ZNF462: variants seen among roughly 807,000 people sequenced by gnomAD.
ZNF462 encodes the protein zinc finger PBX1-interacting protein.
A neutral mutation model predicts 201.9 loss-of-function variants in ZNF462; 10 were observed. The ratio of observed to expected loss-of-function variants is 0.05; its 90% CI spans 0.03 to 0.08. ZNF462 has a LOEUF of 0.08. Ranked by LOEUF, ZNF462 falls within the 10% of genes least tolerant of loss-of-function variation. ZNF462 has a pLI of 1.00. For missense variants in ZNF462, 2,523 were observed against 3,168.3 expected, an observed-to-expected ratio of 0.80 and a Z score of 4.89; for synonymous variants, 1,227 against 1,193.3, an observed-to-expected ratio of 1.03 and a Z score of -0.58.
chr9:106,927,204 T>TGGCCCC lies in ZNF462; in HGVS notation c.3292_3293insGGCCCC (p.Ser1098delinsTrpProPro). On this transcript the variant is annotated protein_altering_variant, in exon 3 of 13. Coordinates refer to ENST00000277225, the MANE Select transcript of ZNF462 (RefSeq NM_021224.6). ...GTCTCCCAAAATGTCCAACATGGGT[T>TGGCCCC]CCCCACCCCCCCCACAACCCCCGCC... The TGGCCCC allele has an allele frequency of 7.0e-6, 11 of 1,570,162 alleles. No homozygotes were observed. The highest frequency in any genetic ancestry group is 8.7e-6 in the Non-Finnish European group (10 of 1,149,552).
chr9:107,010,971 A>G lies in ZNF462; in HGVS notation c.7462A>G (p.Ile2488Val). The change falls in exon 13 of 13, where the codon ATC becomes GTC. Residue 2488 changes from isoleucine to valine, a missense_variant. Transcript: ENST00000277225. The surrounding 1 kb of genome is among the most constrained non-coding windows in gnomAD (Gnocchi z 4.6). ...TTCCCTAAAGAATGAAACAGTAGCC[A>G]TCTGTGTAGTAACTGCCGACAAATC... ...DFSLKNETVA[I>V]CVVTADKSLL... The G allele has an allele frequency of 1.2e-6, 2 of 1,613,838 alleles. No individual in the cohort carries two copies. The highest frequency in any genetic ancestry group is 1.1e-5 in the South Asian group (1 of 91,076).
intron 7 of ZNF462, among the ~76,000 whole-genome samples, chr9:106,942,362 T>C (rs1236155893): frequency 6.6e-6 from 1 of 152,202 alleles, no homozygotes; most frequent in Non-Finnish European, 1.5e-5. Flanking sequence ...TCACTCCAGC[T>C]GCCTGGCCAC....
In ZNF462 at chr9:106,996,758, T is replaced by C. The variant is rs141708023; in HGVS notation, c.7057-6536T>C. On this transcript the variant is annotated intron_variant, in intron 10 of 12. Coordinates refer to ENST00000277225, the MANE Select transcript of ZNF462 (RefSeq NM_021224.6). Reference sequence around the variant, plus strand: ...AGATTGTAAAAATTTTCTCCTGTTCTATAGGTTGATCTTATGGCAATATTA... The same window carrying C: ...AGATTGTAAAAATTTTCTCCTGTTCCATAGGTTGATCTTATGGCAATATTA... 3.0e-3 allele frequency among the ~76,000 whole-genome samples: 453 copies of C among 152,306 alleles called. 4 individuals carry two copies. Among genetic ancestry groups the C allele is most frequent in the African/African-American group, 0.011 (442 of 41,578 alleles).
chr9:106,946,691 C>T (rs555679095), intron 7 of ZNF462, among the ~76,000 whole-genome samples: 6 of 151,808 alleles, frequency 4.0e-5, no homozygotes, highest in Non-Finnish European at 5.9e-5. Flanking sequence ...TGAAGAGCCC[C>T]GGTGTTGTGG....
intron 1 of ZNF462, among the ~76,000 whole-genome samples, chr9:106,909,601 A>C (rs915478012): frequency 1.3e-5 from 2 of 152,190 alleles, no homozygotes; most frequent in Admixed American, 6.5e-5. Context: ...TATATTTAAA[A>C]AACTGGTTGT....
At position 107,010,972 on chromosome 9, in the gene ZNF462, T is replaced by G; in HGVS notation, c.7463T>G (p.Ile2488Ser). Residue 2488 changes from isoleucine (I) to serine (S), a missense_variant, in exon 13 of 13, where the codon ATC (isoleucine) becomes AGC (serine). This residue lies in a region of ZNF462 where 67 missense variants were observed against 63.2 expected (regional missense o/e 1.06). Transcript: ENST00000277225. The surrounding 1 kb of genome is among the most constrained non-coding windows in gnomAD (Gnocchi z 4.6). ...TCCCTAAAGAATGAAACAGTAGCCA[T>G]CTGTGTAGTAACTGCCGACAAATCT... ...DFSLKNETVAICVVTADKSLL... is the reference protein window; with the variant it reads ...DFSLKNETVASCVVTADKSLL... 1 of 1,613,752 alleles carries G rather than the reference T, an allele frequency of 6.2e-7. No individual in the cohort carries two copies. Among genetic ancestry groups the G allele is most frequent in the Non-Finnish European group, 8.5e-7 (1 of 1,179,906 alleles).
At chr9:106,982,785 T>A (rs1198857871) in intron 9 of ZNF462, among the ~76,000 whole-genome samples, 3 of 152,092 alleles carry the variant, frequency 2.0e-5, no homozygotes, top group East Asian at 3.9e-4. Context: ...GTGACTGCCC[T>A]ACAATCAGAG....
At position 106,938,357 on chromosome 9, in the gene ZNF462, G is replaced by C. The variant is rs537224221; in HGVS notation, c.6236-559G>C. The stretch of plus-strand genomic sequence containing the variant: ...TAAGGAAATGGAGTTCTATGCTGAG[G>C]TTTATGAACTGGTCCAAAAATATAT... On this transcript the variant is annotated intron_variant, in intron 6 of 12. Transcript: ENST00000277225. This position sits in a 1 kb window ranked among gnomAD's most constrained non-coding sequence, Gnocchi z 4.4. 4.0e-4 allele frequency among the ~76,000 whole-genome samples: 61 copies of C among 152,110 alleles called. 3 individuals carry two copies. Among genetic ancestry groups the C allele is most frequent in the Non-Finnish European group, 2.9e-5 (2 of 68,022 alleles).
chr9:106,951,831 C>G (rs997857591), intron 7 of ZNF462, among the ~76,000 whole-genome samples: 11 of 152,148 alleles, frequency 7.2e-5, no homozygotes, highest in African/African-American at 2.6e-4. Flanking sequence ...AACCTCTTCT[C>G]CAAGTCATAA....
rs139158101 is a variant in ZNF462 at position 106,925,008 on chromosome 9, G to A, written c.1096G>A (p.Gly366Arg). 3 of 1,613,978 alleles carry A rather than the reference G, an allele frequency of 1.9e-6. No individual in the cohort carries two copies. In the African/African-American group the frequency reaches 4.0e-5, roughly 22 times the overall value. ...TAACTTGACAGAGAGATCCCGTTATGGAATGACTGACATGACCAATTCTTC... is the reference window on the plus strand; with the variant it reads ...TAACTTGACAGAGAGATCCCGTTATAGAATGACTGACATGACCAATTCTTC... ...LVNLTERSRY[G>R]MTDMTNSSAD... The change falls in exon 3 of 13, where the codon GGA (glycine) becomes AGA (arginine). Residue 366 changes from glycine to arginine, a missense_variant. Transcript: ENST00000277225. This position sits in a 1 kb window ranked among gnomAD's most constrained non-coding sequence, Gnocchi z 7.9.
chr9:106,929,513 T>C lies in ZNF462; in HGVS notation c.5601T>C (p.Thr1867=). ...STAELLCMHY[T]DHHSRDLKRD... ...CAGAGCTGCTGTGCATGCATTACAC[T>C]GACCACCACAGTCGGGACCTAAAGA... Residue 1867 remains threonine, a synonymous_variant, in exon 3 of 13, where the codon ACT becomes ACC. Coordinates refer to ENST00000277225, the MANE Select transcript of ZNF462 (RefSeq NM_021224.6). The surrounding 1 kb of genome is among the most constrained non-coding windows in gnomAD (Gnocchi z 8.7). 6.2e-7 allele frequency: 1 copy of C among 1,614,172 alleles called. No individual in the cohort carries two copies. The highest frequency in any genetic ancestry group is 2.2e-5 in the East Asian group (1 of 44,864).
chr9:106,962,747 A>G lies in ZNF462; in HGVS notation c.6428-9258A>G, dbSNP rs913768994. Among the ~76,000 whole-genome samples, 1 of 151,970 alleles carries G rather than the reference A, an allele frequency of 6.6e-6. No individual in the cohort carries two copies. Among genetic ancestry groups the G allele is most frequent in the Non-Finnish European group, 1.5e-5 (1 of 67,952 alleles). On this transcript the variant is annotated intron_variant, in intron 7 of 12. Transcript: ENST00000277225. This position sits in a 1 kb window ranked among gnomAD's most constrained non-coding sequence, Gnocchi z 4.6. The stretch of plus-strand genomic sequence containing the variant: ...TGTGTTTCCTTCAAGTTTGGCCTCA[A>G]CCTTATTTTCAGGATTAGGCGTTTG...
At position 106,925,006 on chromosome 9, in the gene ZNF462, A is replaced by G. The variant is rs776628141; in HGVS notation, c.1094A>G (p.Tyr365Cys). ...GLVNLTERSR[Y>C]GMTDMTNSSA... ...GTTAACTTGACAGAGAGATCCCGTT[A>G]TGGAATGACTGACATGACCAATTCT... Residue 365 changes from tyrosine to cysteine, a missense_variant, in exon 3 of 13, where the codon TAT becomes TGT. Tyr to Cys is a radical substitution (Grantham distance 194, BLOSUM62 -2). This residue lies in a region of ZNF462 where 480 missense variants were observed against 544.4 expected (regional missense o/e 0.88). Coordinates refer to ENST00000277225, the MANE Select transcript of ZNF462 (RefSeq NM_021224.6). This position sits in a 1 kb window ranked among gnomAD's most constrained non-coding sequence, Gnocchi z 7.9. The G allele has an allele frequency of 1.4e-5, 23 of 1,614,074 alleles. No homozygotes were observed. The East Asian group carries it at 4.0e-4, about 28-fold the overall frequency.
chr9:106,927,195 A>C lies in ZNF462; in HGVS notation c.3283A>C (p.Asn1095His). 6.2e-7 allele frequency: 1 copy of C among 1,613,238 alleles called. No individual in the cohort carries two copies. The highest frequency in any genetic ancestry group is 1.1e-5 in the South Asian group (1 of 91,006). Reference protein sequence around the residue: ...VGAPMSPKMSNMGSPPPPQPP... With the variant: ...VGAPMSPKMSHMGSPPPPQPP... The stretch of plus-strand genomic sequence containing the variant: ...TGCTCCAATGTCTCCCAAAATGTCC[A>C]ACATGGGTTCCCCACCCCCCCCACA... Residue 1095 changes from asparagine to histidine, a missense_variant, in exon 3 of 13, where the codon AAC becomes CAC. Physicochemically the swap from Asn to His is moderately conservative, Grantham distance 68. Around this residue, in one of 15 missense-constraint regions of ZNF462, gnomAD observed 280 missense variants for 321.3 expected, o/e 0.87. Coordinates refer to ENST00000277225, the MANE Select transcript of ZNF462 (RefSeq NM_021224.6).
In ZNF462 at chr9:106,927,367, C is replaced by A. The variant is rs762702834; in HGVS notation, c.3455C>A (p.Pro1152His). The A allele has an allele frequency of 6.2e-7, 1 of 1,614,138 alleles. No homozygotes were observed. The highest frequency in any genetic ancestry group is 1.7e-5 in the Admixed American group (1 of 60,024). The change falls in exon 3 of 13, where the codon CCC (proline) becomes CAC (histidine). Residue 1152 changes from proline (P) to histidine (H), a missense_variant. Physicochemically the swap from Pro to His is moderately conservative, Grantham distance 77. Around this residue, in one of 15 missense-constraint regions of ZNF462, gnomAD observed 222 missense variants for 271.6 expected, o/e 0.82. Transcript: ENST00000277225. The part of the protein sequence containing the change: ...VTAKYIRQAP[P>H]TAAMMRGVEG... ...GCCAAATATATCAGACAGGCTCCTC[C>A]CACAGCTGCAATGATGAGAGGGGTC...
chr9:106,889,034 T>C (rs918881585), intron 1 of ZNF462, among the ~76,000 whole-genome samples: 10 of 152,240 alleles, frequency 6.6e-5, no homozygotes, highest in African/African-American at 2.4e-4. Context: ...TCTTTCTAGC[T>C]TAAAATATTC....
At chr9:106,863,516 G>A (rs894705209) in intron 1 of ZNF462, among the ~76,000 whole-genome samples, 161 bp downstream of exon 1, 1 of 150,838 alleles carries the variant, frequency 6.6e-6, no homozygotes, top group African/African-American at 2.4e-5. Flanking sequence ...TGTTGGAAGA[G>A]GAGAAGAAGC....
intron 1 of ZNF462, among the ~76,000 whole-genome samples, chr9:106,904,533 T>C (rs1227965271): frequency 6.6e-6 from 1 of 152,214 alleles, no homozygotes; most frequent in Non-Finnish European, 1.5e-5. Flanking sequence ...TTTTCTAGGC[T>C]TTCAGAATTC....
intron 10 of ZNF462, among the ~76,000 whole-genome samples, chr9:106,999,716 T>C (rs1829036915): frequency 6.6e-6 from 1 of 152,168 alleles, no homozygotes; most frequent in Admixed American, 6.5e-5. Flanking sequence ...TTAACAGTTA[T>C]TATGTATAGG....
Sources: allele counts gnomAD v4.1 joint callset (sites outside exome capture counted in the v4.1 genomes callset), GRCh38; gene constraint gnomAD v4.1.1; regional missense constraint gnomAD v4.1.1; non-coding constraint Gnocchi (gnomAD v3.1); transcripts MANE v1.5; gene names NCBI Gene and HGNC (gene_info 2026-07-23, HGNC 2026-07-21).